The following RHOBTB2 variants were observed in gnomAD, a reference collection of about 807,000 sequenced individuals.
RHOBTB2 encodes the protein Rho related BTB domain containing 2, also known as rho-related BTB domain-containing protein 2.
RHOBTB2 carries 39 observed loss-of-function variants against 66.5 expected under a neutral mutation model. The ratio of observed to expected loss-of-function variants is 0.59; its 90% CI spans 0.45 to 0.77. The LOEUF is 0.77. RHOBTB2 is among the 30% of genes least tolerant of loss of function. The pLI, the probability that RHOBTB2 is intolerant of heterozygous loss-of-function variation, is 0.00. For synonymous variants in RHOBTB2, 390 were observed against 395.0 expected, an observed-to-expected ratio of 0.99 and a Z score of 0.15; for missense variants, 755 against 999.1, an observed-to-expected ratio of 0.76 and a Z score of 3.29.
At chr8:23,007,869 G>A in intron 5 of RHOBTB2, 123 bp downstream of exon 5, 1 of 1,497,438 alleles carries the variant, frequency 6.7e-7, no homozygotes, top group South Asian at 1.2e-5. Context: ...GTTTTCCCCA[G>A]CTGGGAGCGG....
At chr8:22,973,785 A>G in the RHOBTB2 span, among the ~76,000 whole-genome samples, 1 of 152,280 alleles carries the variant, frequency 6.6e-6, no homozygotes, top group South Asian at 2.1e-4. Flanking sequence ...GGAAGAGGCA[A>G]AGTCTGCAGG....
At chr8:23,001,356 C>A (rs1440023423) in intron 1 of RHOBTB2, among the ~76,000 whole-genome samples, 1 of 150,532 alleles carries the variant, frequency 6.6e-6, no homozygotes, top group Non-Finnish European at 1.5e-5. Context: ...TGGGCTGTAT[C>A]ACCATATATC....
At chr8:22,960,185 A>G in the RHOBTB2 span, among the ~76,000 whole-genome samples, 22 of 151,414 alleles carry the variant, frequency 1.5e-4, no homozygotes, top group South Asian at 2.9e-3. Flanking sequence ...TCCATCTAAA[A>G]AAAAAAACAA....
the RHOBTB2 span, among the ~76,000 whole-genome samples, chr8:22,972,212 G>A: frequency 1.3e-5 from 2 of 152,110 alleles, no homozygotes; most frequent in Non-Finnish European, 2.9e-5. Context: ...TAGGCACGGC[G>A]CTTAGGGTTC....
chr8:22,974,918 C>T, the RHOBTB2 span, among the ~76,000 whole-genome samples: 1 of 152,138 alleles, frequency 6.6e-6, no homozygotes, highest in African/African-American at 2.4e-5. Flanking sequence ...ACCCACTAAG[C>T]GCCCCAATTG....
chr8:23,004,375 G>A lies in RHOBTB2; in HGVS notation c.-10-50G>A, dbSNP rs763219533. ...GCTGCGGGTGCTGGCCCTGGCCCAC[G>A]GCGAGCTGGCATGCCATGCCGTCCT... On this transcript the variant is annotated intron_variant, in intron 1 of 9. Coordinates refer to ENST00000251822, the MANE Select transcript of RHOBTB2 (RefSeq NM_015178.3). The surrounding 1 kb of genome is among the most constrained non-coding windows in gnomAD (Gnocchi z 6.4). 13 of 1,537,226 alleles carry A rather than the reference G, an allele frequency of 8.5e-6. No individual in the cohort carries two copies. Among genetic ancestry groups the A allele is most frequent in the Middle Eastern group, 1.7e-4 (1 of 5,924 alleles).
At chr8:23,011,143 A>G (rs982660894) in intron 7 of RHOBTB2, among the ~76,000 whole-genome samples, 4 of 152,104 alleles carry the variant, frequency 2.6e-5, no homozygotes, top group Non-Finnish European at 5.9e-5. Flanking sequence ...AATCCCAGCT[A>G]CTCGGGAGGC....
At chr8:22,983,757 CAG>C (rs1414995231), upstream of RHOBTB2, among the ~76,000 whole-genome samples, 3 of 150,866 alleles carry the variant, frequency 2.0e-5, no homozygotes, top group Non-Finnish European at 4.4e-5. Flanking sequence ...TTTTTTGAGA[CAG>C]AGTTTTGCTC....
chr8:22,964,401 G>A, the RHOBTB2 span, among the ~76,000 whole-genome samples: 2 of 152,246 alleles, frequency 1.3e-5, no homozygotes, highest in South Asian at 2.1e-4. Flanking sequence ...TGGGGCAAAG[G>A]TGTTCCATGT....
the RHOBTB2 span, among the ~76,000 whole-genome samples, chr8:22,963,240 G>C: frequency 0.013 from 1,995 of 152,278 alleles, 27 homozygotes; most frequent in Non-Finnish European, 0.018. Flanking sequence ...ACTGACTTAA[G>C]TTTATACTCT....
upstream of RHOBTB2, among the ~76,000 whole-genome samples, chr8:22,987,259 G>T (rs1810304782): frequency 1.3e-5 from 2 of 152,234 alleles, no homozygotes; most frequent in Non-Finnish European, 2.9e-5. Flanking sequence ...GCCAAAGATG[G>T]GGAACAGGGC....
chr8:22,963,230 A>T, the RHOBTB2 span, among the ~76,000 whole-genome samples: 2 of 152,234 alleles, frequency 1.3e-5, no homozygotes, highest in Non-Finnish European at 2.9e-5. Context: ...AAGGGAGACA[A>T]CTGACTTAAG....
upstream of RHOBTB2, among the ~76,000 whole-genome samples, chr8:22,983,554 T>A (rs1810246011): frequency 6.6e-6 from 1 of 151,734 alleles, no homozygotes; most frequent in Admixed American, 6.6e-5. Flanking sequence ...GAGTAAAGCA[T>A]GAGTAAAAAA....
chr8:22,977,019 C>G, the RHOBTB2 span, among the ~76,000 whole-genome samples: 1 of 151,296 alleles, frequency 6.6e-6, no homozygotes, highest in Non-Finnish European at 1.5e-5. Context: ...ACTTGGGAGG[C>G]TGAGGTGGAA....
chr8:23,010,438 G>T, intron 6 of RHOBTB2, 100 bp from the exon 7 acceptor site: 3 of 1,380,000 alleles, frequency 2.2e-6, no homozygotes, highest in Non-Finnish European at 3.0e-6. Context: ...GTCTGGGGGA[G>T]CCTGGGTGTG....
chr8:23,003,246 C>G (rs2128802785), intron 1 of RHOBTB2, among the ~76,000 whole-genome samples: 1 of 152,362 alleles, frequency 6.6e-6, no homozygotes, highest in Non-Finnish European at 1.5e-5. Flanking sequence ...ATGCCGAGGC[C>G]AGGGCCTCCT....
At chr8:22,962,499 T>G in the RHOBTB2 span, among the ~76,000 whole-genome samples, 1 of 152,190 alleles carries the variant, frequency 6.6e-6, no homozygotes, top group Non-Finnish European at 1.5e-5. Flanking sequence ...AACTTTGAGT[T>G]TCAAAGCAGG....
the RHOBTB2 span, among the ~76,000 whole-genome samples, chr8:22,951,556 T>G: frequency 6.6e-6 from 1 of 152,116 alleles, no homozygotes; most frequent in Non-Finnish European, 1.5e-5. Context: ...AGCAATGTTT[T>G]GGGGGCAGGG....
At chr8:22,984,879 C>T (rs1197509824), upstream of RHOBTB2, 6 of 151,704 alleles carry the variant, frequency 4.0e-5, no homozygotes, top group African/African-American at 1.5e-4. Context: ...AGCCATTGCA[C>T]TCACTGCACT....
Sources: gnomAD v4.1 joint callset for allele counts (sites outside exome capture counted in the v4.1 genomes callset) on GRCh38, gnomAD v4.1.1 for gene constraint, Gnocchi (gnomAD v3.1) non-coding constraint, MANE v1.5 for transcripts, NCBI Gene and HGNC (gene_info 2026-07-23, HGNC 2026-07-21) for gene names.